PPFIA2: variants seen among roughly 807,000 people sequenced by gnomAD.
PPFIA2 encodes PPFI scaffold protein A2.
Under a neutral mutation model 175.5 loss-of-function variants are expected in PPFIA2, and 46 were observed. The observed-to-expected ratio is 0.26, with a 90% CI of 0.21 to 0.34. The LOEUF (loss-of-function observed/expected upper bound fraction) is 0.34, where lower values mean the gene tolerates loss of function less well. PPFIA2 is among the 10% of genes least tolerant of loss of function. The pLI, the probability that PPFIA2 is intolerant of heterozygous loss-of-function variation, is 1.00. For synonymous variants in PPFIA2, 568 were observed against 511.4 expected (o/e 1.11, Z -1.49); for missense variants, 1,179 against 1,506.1 (o/e 0.78, Z 3.60).
chr12:81,668,290 C>G (rs549863355), intron 4 of PPFIA2, among the ~76,000 whole-genome samples: 2 of 151,964 alleles, frequency 1.3e-5, no homozygotes, highest in Non-Finnish European at 2.9e-5. Flanking sequence ...AGCTCATGTA[C>G]CTTTGACACA....
At chr12:81,474,848 A>G (rs1469112328) in intron 4 of PPFIA2, among the ~76,000 whole-genome samples, 1 of 152,216 alleles carries the variant, frequency 6.6e-6, no homozygotes, top group East Asian at 1.9e-4. Context: ...TGTTTTGTAT[A>G]GATCACTCTT....
intron 4 of PPFIA2, among the ~76,000 whole-genome samples, chr12:81,590,507 T>A (rs996896167): frequency 2.0e-5 from 3 of 152,146 alleles, no homozygotes; most frequent in African/African-American, 7.2e-5. Flanking sequence ...TCTATTTATT[T>A]ATTTTTGAAA....
At chr12:81,331,772 T>C (rs2056177829) in intron 21 of PPFIA2, among the ~76,000 whole-genome samples, 1 of 152,200 alleles carries the variant, frequency 6.6e-6, no homozygotes. Flanking sequence ...GTTTTGGCTC[T>C]ATTTGATCAC....
At chr12:81,347,814 G>T (rs1353316683) in intron 17 of PPFIA2, 44 bp from the exon 18 acceptor site, 1 of 1,597,168 alleles carries the variant, frequency 6.3e-7, no homozygotes. Flanking sequence ...AATTTAATAT[G>T]GATCCATTAT....
intron 3 of PPFIA2, among the ~76,000 whole-genome samples, chr12:81,717,100 A>G (rs1353713630): frequency 6.6e-6 from 1 of 151,640 alleles, no homozygotes; most frequent in Non-Finnish European, 1.5e-5. Flanking sequence ...AGTGGGCCAG[A>G]TAGCAAATAT....
intron 4 of PPFIA2, among the ~76,000 whole-genome samples, chr12:81,487,944 G>A (rs1233887406): frequency 6.6e-6 from 1 of 151,842 alleles, no homozygotes; most frequent in African/African-American, 2.4e-5. Context: ...TTTAACATCT[G>A]CATTTCCATT....
chr12:81,285,034 T>C (rs1249159755), intron 24 of PPFIA2, among the ~76,000 whole-genome samples: 1 of 152,168 alleles, frequency 6.6e-6, no homozygotes, highest in East Asian at 1.9e-4. Flanking sequence ...GAGAAGAACA[T>C]AGTGTAAAAT....
intron 4 of PPFIA2, among the ~76,000 whole-genome samples, chr12:81,657,132 G>C (rs1452990893): frequency 2.0e-5 from 3 of 152,144 alleles, no homozygotes; most frequent in African/African-American, 7.2e-5. Flanking sequence ...AGAAAAGCTA[G>C]AACAAGTTAT....
At chr12:81,547,999 A>T (rs1240930723) in intron 4 of PPFIA2, among the ~76,000 whole-genome samples, 84 of 152,244 alleles carry the variant, frequency 5.5e-4, no homozygotes, top group Non-Finnish European at 8.8e-5. Context: ...TTCATTGAGC[A>T]CATGCTAGGT....
chr12:81,615,934 A>G (rs972921574), intron 4 of PPFIA2, among the ~76,000 whole-genome samples: 3 of 152,162 alleles, frequency 2.0e-5, no homozygotes, highest in Non-Finnish European at 2.9e-5. Context: ...CCTTGAGTAG[A>G]TGAGAAGAGA....
intron 21 of PPFIA2, among the ~76,000 whole-genome samples, chr12:81,329,448 C>A (rs1036231938): frequency 6.6e-6 from 1 of 152,138 alleles, no homozygotes; most frequent in Non-Finnish European, 1.5e-5. Context: ...CAAGACCACT[C>A]CTAAGGTGTG....
intron 7 of PPFIA2, among the ~76,000 whole-genome samples, chr12:81,426,877 C>T (rs1266404611): frequency 1.3e-5 from 2 of 151,982 alleles, no homozygotes; most frequent in African/African-American, 4.8e-5. Flanking sequence ...TGTTCTCATG[C>T]TATTTATTAC....
chr12:81,287,969 T>C (rs1185442358), intron 24 of PPFIA2, among the ~76,000 whole-genome samples: 1 of 151,794 alleles, frequency 6.6e-6, no homozygotes, highest in Non-Finnish European at 1.5e-5. Context: ...TGCTGCAATC[T>C]CCCCCAAAAA....
At chr12:81,740,394 T>C in intron 3 of PPFIA2, among the ~76,000 whole-genome samples, 1 of 152,176 alleles carries the variant, frequency 6.6e-6, no homozygotes, top group East Asian at 1.9e-4. Flanking sequence ...CCAGGCAGCC[T>C]TAGCTAATTC....
chr12:81,543,083 T>C (rs1007907570), intron 4 of PPFIA2, among the ~76,000 whole-genome samples: 2 of 152,170 alleles, frequency 1.3e-5, no homozygotes, highest in African/African-American at 2.4e-5. Flanking sequence ...AATCTTCCTT[T>C]TACTGCTTTT....
At chr12:81,487,458 G>T (rs2400935) in intron 4 of PPFIA2, among the ~76,000 whole-genome samples, 43,951 of 151,562 alleles carry the variant, frequency 0.29, 6,852 homozygotes, top group African/African-American at 0.4. Context: ...ATGAGCACTT[G>T]GTAAGTGTTA....
Position 81,668,555 on chromosome 12 carries a change from T to C in PPFIA2, c.303+8236A>G, listed in dbSNP as rs150869585. Among the ~76,000 whole-genome samples the C allele has an allele frequency of 1.4e-4, 21 of 152,214 alleles. 1 individual carries two copies. In the East Asian group the frequency reaches 3.9e-3, roughly 28 times the overall value. On this transcript the variant is annotated intron_variant, in intron 4 of 32. Coordinates refer to ENST00000549396, the MANE Select transcript of PPFIA2 (RefSeq NM_003625.5). ...ATACGAAAATACCACTGCTTCTTTC[T>C]ATGAGTCATTGCTTTGGGTCCACCC...
chr12:81,474,002 A>G (rs1328416419), intron 4 of PPFIA2, among the ~76,000 whole-genome samples: 1 of 151,992 alleles, frequency 6.6e-6, no homozygotes, highest in African/African-American at 2.4e-5. Flanking sequence ...TTCTTCTCAC[A>G]TTTTTCTTTA....
chr12:81,654,309 A>G (rs1309497750), intron 4 of PPFIA2, among the ~76,000 whole-genome samples: 1 of 152,010 alleles, frequency 6.6e-6, no homozygotes, highest in East Asian at 1.9e-4. Context: ...AGTAAGTCCC[A>G]ATATTAACAA....
Sources: gnomAD v4.1 joint callset for allele counts (sites outside exome capture counted in the v4.1 genomes callset) on GRCh38, gnomAD v4.1.1 for gene constraint, MANE v1.5 for transcripts, NCBI Gene and HGNC (gene_info 2026-07-23, HGNC 2026-07-21) for gene names.